TNNI3K: variants seen among roughly 807,000 people sequenced by gnomAD.
TNNI3K encodes serine/threonine-protein kinase TNNI3K.
Under a neutral mutation model 114.5 loss-of-function variants are expected in TNNI3K, and 140 were observed. That is an observed-to-expected ratio of 1.22 (90% CI 1.07 to 1.41). The LOEUF is 1.41. Ranked by LOEUF, TNNI3K falls within the 40% of genes most tolerant of loss-of-function variation. The pLI, the probability that TNNI3K is intolerant of heterozygous loss-of-function variation, is 0.00. For missense variants in TNNI3K, 1,125 were observed against 1,007.6 expected (o/e 1.12, Z -1.58); for synonymous variants, 347 against 347.5 (o/e 1.00, Z 0.02).
At chr1:74,366,208 C>A (rs1170005456) in intron 11 of TNNI3K, among the ~76,000 whole-genome samples, 2 of 151,914 alleles carry the variant, frequency 1.3e-5, no homozygotes, top group Non-Finnish European at 2.9e-5. Context: ...TTAAATTTAC[C>A]AGTTTTACAA....
intron 22 of TNNI3K, among the ~76,000 whole-genome samples, chr1:74,490,465 A>G (rs960643486): frequency 2.0e-5 from 3 of 152,188 alleles, no homozygotes; most frequent in Non-Finnish European, 2.9e-5. Flanking sequence ...GAAAAAAGGA[A>G]TCCACCATGA....
chr1:74,475,194 G>A, intron 21 of TNNI3K: 1 of 596,216 alleles, frequency 1.7e-6, no homozygotes, highest in Admixed American at 3.0e-5. Context: ...GTGCTATAGT[G>A]ATTTTTATAG....
chr1:74,389,405 T>A (rs1663646678), intron 17 of TNNI3K, among the ~76,000 whole-genome samples: 1 of 152,188 alleles, frequency 6.6e-6, no homozygotes, highest in African/African-American at 2.4e-5. Context: ...TTGTTTGAAA[T>A]GCCAGCTAAA....
intron 6 of TNNI3K, among the ~76,000 whole-genome samples, chr1:74,332,035 A>G (rs1168091083): frequency 1.3e-5 from 2 of 152,180 alleles, no homozygotes; most frequent in Non-Finnish European, 2.9e-5. Context: ...AACAATTACT[A>G]ATGTGCTTTA....
intron 21 of TNNI3K, among the ~76,000 whole-genome samples, chr1:74,475,003 ACTTTT>A (rs1668117790): frequency 3.3e-3 from 1 of 304 alleles, no homozygotes; most frequent in Non-Finnish European, 0.021. Flanking sequence ...TTAAAAGGCT[ACTTTT>A]TTTCTTTTTT....
intron 5 of TNNI3K, among the ~76,000 whole-genome samples, chr1:74,300,088 T>C (rs1473379101): frequency 3.9e-5 from 6 of 152,180 alleles, no homozygotes; most frequent in Non-Finnish European, 8.8e-5. Flanking sequence ...TCTTCTTTCT[T>C]TATCACTTTT....
At chr1:74,514,273 T>C (rs1646315232) in intron 23 of TNNI3K, among the ~76,000 whole-genome samples, 1 of 152,182 alleles carries the variant, frequency 6.6e-6, no homozygotes, top group Admixed American at 6.5e-5. Flanking sequence ...TTTAAAGCGT[T>C]TTCACACAAT....
At chr1:74,402,021 A>G in intron 17 of TNNI3K, 1 of 247,408 alleles carries the variant, frequency 4.0e-6, no homozygotes, top group Non-Finnish European at 8.1e-6. Flanking sequence ...TGAATAATAA[A>G]CTTAAGTTGG....
At position 74,440,371 on chromosome 1, in the gene TNNI3K, T is replaced by C. The variant is rs531366286; in HGVS notation, c.2011+749T>C. Among the ~76,000 whole-genome samples, 21 of 152,256 alleles carry C rather than the reference T, an allele frequency of 1.4e-4. No homozygotes were observed. The South Asian group carries it at 4.1e-3, about 30-fold the overall frequency. ...GCACACTTGTAAAGTAGTTGTCAAA[T>C]GTAATCATAAGTAATTTTAAATAAT... On this transcript the variant is annotated intron_variant, in intron 20 of 24. Coordinates refer to ENST00000326637, the MANE Select transcript of TNNI3K (RefSeq NM_015978.3).
intron 5 of TNNI3K, among the ~76,000 whole-genome samples, chr1:74,310,793 A>G (rs1174754559): frequency 6.6e-6 from 1 of 152,178 alleles, no homozygotes; most frequent in Admixed American, 6.5e-5. Context: ...TAAGAACTTA[A>G]AGATACATGC....
At chr1:74,495,869 G>A (rs1669301061) in intron 23 of TNNI3K, among the ~76,000 whole-genome samples, 1 of 152,130 alleles carries the variant, frequency 6.6e-6, no homozygotes. Flanking sequence ...TTTCTCCCAA[G>A]CCTGCCTTTT....
At chr1:74,402,027 G>A in intron 17 of TNNI3K, 1 of 239,114 alleles carries the variant, frequency 4.2e-6, no homozygotes, top group Non-Finnish European at 8.4e-6. Flanking sequence ...ATAAACTTAA[G>A]TTGGAATAAT....
intron 4 of TNNI3K, among the ~76,000 whole-genome samples, chr1:74,263,381 A>C (rs1023421206): frequency 6.6e-6 from 1 of 152,052 alleles, no homozygotes; most frequent in Non-Finnish European, 1.5e-5. Flanking sequence ...GACCAGATCC[A>C]AGTTGCTTAT....
At chr1:74,532,607 T>G (rs1464503290) in intron 23 of TNNI3K, among the ~76,000 whole-genome samples, 1 of 151,984 alleles carries the variant, frequency 6.6e-6, no homozygotes, top group Non-Finnish European at 1.5e-5. Flanking sequence ...GTATATCTCC[T>G]AATGCTATCC....
chr1:74,432,471 T>C (rs1374535354), intron 17 of TNNI3K, among the ~76,000 whole-genome samples: 1 of 152,092 alleles, frequency 6.6e-6, no homozygotes, highest in African/African-American at 2.4e-5. Context: ...CTGATGATTG[T>C]CTCCCTGGTG....
chr1:74,364,397 A>G (rs1296726082), intron 11 of TNNI3K, among the ~76,000 whole-genome samples: 2 of 151,972 alleles, frequency 1.3e-5, no homozygotes, highest in Non-Finnish European at 2.9e-5. Context: ...AACAGCAGGC[A>G]GCACCAACAC....
chr1:74,461,388 G>A (rs1378149831), intron 20 of TNNI3K, among the ~76,000 whole-genome samples: 1 of 151,512 alleles, frequency 6.6e-6, no homozygotes, highest in Non-Finnish European at 1.5e-5. Context: ...GCTGAGGCAG[G>A]AGAATCACTT....
chr1:74,516,590 C>A (rs1234095265), intron 23 of TNNI3K, among the ~76,000 whole-genome samples: 1 of 152,116 alleles, frequency 6.6e-6, no homozygotes. Flanking sequence ...CCCAGGCCTG[C>A]TGCTTGAGAC....
chr1:74,401,650 A>C (rs577386650), intron 17 of TNNI3K, among the ~76,000 whole-genome samples: 2 of 152,324 alleles, frequency 1.3e-5, no homozygotes, highest in African/African-American at 4.8e-5. Flanking sequence ...AATTGCTCAA[A>C]TATAATTCTC....
Sources: gnomAD v4.1 joint callset for allele counts (sites outside exome capture counted in the v4.1 genomes callset) on GRCh38, gnomAD v4.1.1 for gene constraint, MANE v1.5 for transcripts, NCBI Gene and HGNC (gene_info 2026-07-23, HGNC 2026-07-21) for gene names.